Variants in SMURF1 observed in about 807,000 individuals in gnomAD.
The protein encoded by SMURF1 is E3 ubiquitin-protein ligase SMURF1.
SMURF1 carries 44 observed loss-of-function variants against 98.0 expected under a neutral mutation model. The ratio of observed to expected loss-of-function variants is 0.45; its 90% CI spans 0.35 to 0.58. The LOEUF (loss-of-function observed/expected upper bound fraction) is 0.58, where lower values mean the gene tolerates loss of function less well. Ranked by LOEUF, SMURF1 falls within the 20% of genes least tolerant of loss-of-function variation. The pLI, the probability that SMURF1 is intolerant of heterozygous loss-of-function variation, is 0.00. For missense variants in SMURF1, 687 were observed against 938.4 expected (o/e 0.73, Z 3.50); for synonymous variants, 396 against 374.9 (o/e 1.06, Z -0.65).
chr7:99,031,945 C>CAATCCTGTATTGTA (rs1794907582), intron 17 of SMURF1, among the ~76,000 whole-genome samples: 2 of 152,086 alleles, frequency 1.3e-5, no homozygotes, highest in Non-Finnish European at 2.9e-5. Flanking sequence ...TATTTGTAAA[C>CAATCCTGTATTGTA]CATACAGGAA....
chr7:99,128,405 C>CA (rs939181685), intron 1 of SMURF1, among the ~76,000 whole-genome samples: 58 of 151,788 alleles, frequency 3.8e-4, no homozygotes, highest in African/African-American at 8.7e-4. Flanking sequence ...CAAGCCTTTA[C>CA]AAAAAAAACA....
intron 1 of SMURF1, among the ~76,000 whole-genome samples, chr7:99,099,528 C>T (rs549706515): frequency 1.4e-4 from 21 of 152,096 alleles, no homozygotes; most frequent in Non-Finnish European, 2.2e-4. Flanking sequence ...ATCATGTACA[C>T]GCTGGCAAGA....
rs1454749817 is a variant in SMURF1, at chr7:99,061,811, T to C, written c.82A>G (p.Lys28Glu). The C allele has an allele frequency of 1.2e-6, 2 of 1,605,542 alleles. No homozygotes were observed. The highest frequency in any genetic ancestry group is 1.7e-6 in the Non-Finnish European group (2 of 1,176,464). ...AGTGTTTACTTACTGAAGAAGTCTT[T>C]CTTTGCAAGGTTCTTGGCACATAAC... ...TVLCAKNLAKKDFFRLPDPFA... is the reference protein window; with the variant it reads ...TVLCAKNLAKEDFFRLPDPFA... The change falls in exon 2 of 18, where the codon AAA becomes GAA. Residue 28 changes from lysine (K) to glutamate (E), a missense_variant. Physicochemically the swap from Lys to Glu is moderately conservative, Grantham distance 56. Coordinates refer to ENST00000361368, the MANE Select transcript of SMURF1 (RefSeq NM_181349.3).
chr7:99,034,887 A>G (rs964502616), intron 16 of SMURF1, among the ~76,000 whole-genome samples: 2 of 152,190 alleles, frequency 1.3e-5, no homozygotes, highest in African/African-American at 4.8e-5. Flanking sequence ...CTGTGTGTCT[A>G]TCAGCATTTA....
Position 99,035,723 on chromosome 7 carries a change from AG to A in SMURF1, c.1810-8del. On this transcript the variant is annotated splice_region_variant and splice_polypyrimidine_tract_variant and intron_variant, in intron 15 of 17. Transcript: ENST00000361368. ...CCAGGCCGCCTATGATCAGCTGAGG[AG>A]GTGCAGAAAGGTGAATTACTTCCAA... The A allele has an allele frequency of 6.2e-7, 1 of 1,612,770 alleles. No homozygotes were observed. The highest frequency in any genetic ancestry group is 1.1e-5 in the South Asian group (1 of 90,876).
At chr7:99,118,200 G>A (rs1211118289) in intron 1 of SMURF1, among the ~76,000 whole-genome samples, 1 of 152,200 alleles carries the variant, frequency 6.6e-6, no homozygotes, top group Non-Finnish European at 1.5e-5. Context: ...GAACACCACT[G>A]ATGGGATGGT....
chr7:99,065,844 G>A (rs1235941397), intron 1 of SMURF1, among the ~76,000 whole-genome samples: 2 of 152,032 alleles, frequency 1.3e-5, no homozygotes, highest in East Asian at 1.9e-4. Flanking sequence ...TCAAGAGATC[G>A]AGACCATCCT....
Position 99,143,706 on chromosome 7 carries a change from G to A in SMURF1, c.55+20C>T, listed in dbSNP as rs1308155512. 3 of 1,548,370 alleles carry A rather than the reference G, an allele frequency of 1.9e-6. No homozygotes were observed. The highest frequency in any genetic ancestry group is 2.9e-5 in the African/African-American group (2 of 70,044). On this transcript the variant is annotated intron_variant, in intron 1 of 17. Coordinates refer to ENST00000361368, the MANE Select transcript of SMURF1 (RefSeq NM_181349.3). ...GGCGAGGGGGCGCCGGGGCGCGGGT[G>A]GGCCTCCCGCCGGCCGTACCTGTCA...
intron 14 of SMURF1, 101 bp from the exon 15 acceptor site, chr7:99,037,288 A>C (rs1406034252): frequency 5.5e-6 from 8 of 1,464,388 alleles, no homozygotes; most frequent in Non-Finnish European, 7.6e-6. Context: ...CCCAGGCTGG[A>C]GTGCAATGGC....
chr7:99,092,834 T>C (rs1313858943), intron 1 of SMURF1, among the ~76,000 whole-genome samples: 1 of 152,180 alleles, frequency 6.6e-6, no homozygotes, highest in Non-Finnish European at 1.5e-5. Flanking sequence ...TATTAATCAG[T>C]CGAAGACAAT....
At chr7:99,121,537 C>A (rs978947545) in intron 1 of SMURF1, among the ~76,000 whole-genome samples, 1 of 152,112 alleles carries the variant, frequency 6.6e-6, no homozygotes, top group East Asian at 1.9e-4. Context: ...CTTTAACACT[C>A]GCATCCTCCT....
At chr7:99,080,226 G>A (rs1214171780) in intron 1 of SMURF1, among the ~76,000 whole-genome samples, 1 of 152,172 alleles carries the variant, frequency 6.6e-6, no homozygotes, top group Non-Finnish European at 1.5e-5. Context: ...CCTGACCAAT[G>A]GCTGTAAGTT....
Position 99,027,766 on chromosome 7 carries a change from G to A in SMURF1, c.*2818C>T, listed in dbSNP as rs1250965996. On this transcript the variant is annotated 3_prime_UTR_variant, in exon 18 of 18. Transcript: ENST00000361368. Reference sequence around the variant, plus strand: ...ATTTTTAAAATCCATACTATGTTTCGGGAAGGCTGCCGTGTGGCACACACC... The same window carrying A: ...ATTTTTAAAATCCATACTATGTTTCAGGAAGGCTGCCGTGTGGCACACACC... 3 of 152,424 alleles carry A rather than the reference G, an allele frequency of 2.0e-5. No homozygotes were observed. Among genetic ancestry groups the A allele is most frequent in the Non-Finnish European group, 4.4e-5 (3 of 68,032 alleles). The allele number at this position is 152,424 out of a possible 1,614,324, so 9.4% of individuals were successfully genotyped here. A position where few individuals can be genotyped will look rare whatever the true frequency, so the allele number is the denominator to read the frequency against.
chr7:99,068,788 T>G (rs1375962207), intron 1 of SMURF1, among the ~76,000 whole-genome samples: 1 of 152,160 alleles, frequency 6.6e-6, no homozygotes. Flanking sequence ...ATAGCTTGGA[T>G]TAGCCCCTTT....
At chr7:99,137,672 A>G (rs1798024108) in intron 1 of SMURF1, among the ~76,000 whole-genome samples, 2 of 152,252 alleles carry the variant, frequency 1.3e-5, no homozygotes, top group African/African-American at 2.4e-5. Flanking sequence ...GACATTCCTC[A>G]GCCAATTAGA....
intron 1 of SMURF1, among the ~76,000 whole-genome samples, chr7:99,069,447 C>T (rs561804321): frequency 1.4e-4 from 21 of 152,166 alleles, no homozygotes; most frequent in Non-Finnish European, 2.4e-4. Flanking sequence ...CAGTCTCGAA[C>T]TCCTGGGCTC....
intron 1 of SMURF1, among the ~76,000 whole-genome samples, chr7:99,083,458 A>G (rs982715646): frequency 6.6e-6 from 1 of 152,238 alleles, no homozygotes; most frequent in Non-Finnish European, 1.5e-5. Flanking sequence ...AGGAGAAGAG[A>G]AAACATAAAC....
chr7:99,095,752 G>A (rs1019641485), intron 1 of SMURF1, among the ~76,000 whole-genome samples: 17 of 152,166 alleles, frequency 1.1e-4, no homozygotes, highest in Admixed American at 1.1e-3. Flanking sequence ...GGGGCCTGGG[G>A]GAGATGAGAA....
In SMURF1 at chr7:99,063,283, A is replaced by ATATATATATAAGATTTT; in HGVS notation, c.56-1447_56-1446insAAAATCTTATATATATA. 6.3e-4 allele frequency among the ~76,000 whole-genome samples: 11 copies of ATATATATATAAGATTTT among 17,360 alleles called. 1 individual carries two copies. Among genetic ancestry groups the ATATATATATAAGATTTT allele is most frequent in the Non-Finnish European group, 1.4e-3 (9 of 6,454 alleles). 11.4% of individuals were successfully genotyped at this position (17,360 alleles called of 152,430 possible). A position where few individuals can be genotyped will look rare whatever the true frequency, so the allele number is the denominator to read the frequency against. The stretch of plus-strand genomic sequence containing the variant: ...TATATATATATATATATATATATAT[A>ATATATATATAAGATTTT]TATATATATATATATATATATAAAA... On this transcript the variant is annotated intron_variant, in intron 1 of 17. Transcript: ENST00000361368.
Sources: allele counts gnomAD v4.1 joint callset (sites outside exome capture counted in the v4.1 genomes callset), GRCh38; gene constraint gnomAD v4.1.1; transcripts MANE v1.5; gene names NCBI Gene and HGNC (gene_info 2026-07-23, HGNC 2026-07-21).